Variants in DNAH3 observed in about 807,000 individuals in gnomAD.
DNAH3 encodes dynein axonemal heavy chain 3, also known as axonemal beta dynein heavy chain 3.
A neutral mutation model predicts 432.5 loss-of-function variants in DNAH3; 332 were observed. The ratio of observed to expected loss-of-function variants is 0.77; its 90% confidence interval spans 0.70 to 0.84. DNAH3 has a LOEUF of 0.84. Among genes scored for constraint, DNAH3 ranks in the 40% least tolerant of loss-of-function variants. DNAH3 has a pLI of 0.00. For missense variants in DNAH3, 4,861 were observed against 5,114.0 expected (o/e 0.95, Z 1.51); for synonymous variants, 1,956 against 1,900.2 (o/e 1.03, Z -0.76).
At chr16:21,079,272 G>A (rs543398183) in intron 20 of DNAH3, among the ~76,000 whole-genome samples, 5 of 152,318 alleles carry the variant, frequency 3.3e-5, no homozygotes, top group South Asian at 4.1e-4. Context: ...TTCCTCATCT[G>A]TAAAATGAGA....
At chr16:20,964,481 C>G in exon 53 of DNAH3, 1 of 1,614,158 alleles carries the variant, frequency 6.2e-7, no homozygotes, top group Non-Finnish European at 8.5e-7. Flanking sequence ...ATAGAAGCAT[C>G]CAGCTCTTCT....
intron 3 of DNAH3, among the ~76,000 whole-genome samples, chr16:21,143,956 T>C (rs1329205201): frequency 6.6e-6 from 1 of 152,104 alleles, no homozygotes; most frequent in African/African-American, 2.4e-5. Context: ...AATTGGAAGA[T>C]GTAATTAAGA....
intron 50 of DNAH3, 39 bp downstream of exon 50, chr16:20,979,291 C>T (rs1443802059): frequency 5.0e-6 from 8 of 1,599,260 alleles, no homozygotes; most frequent in African/African-American, 2.7e-5. Flanking sequence ...CACCTCGTCC[C>T]GGGCCTCTTT....
chr16:21,121,474 AATGGCAATTG>A (rs2092338794), intron 10 of DNAH3, among the ~76,000 whole-genome samples: 2 of 152,206 alleles, frequency 1.3e-5, no homozygotes, highest in African/African-American at 4.8e-5. Flanking sequence ...TTGGCAAGTT[AATGGCAATTG>A]ATTCATGATG....
At chr16:21,143,506 G>C (rs1248462638) in intron 3 of DNAH3, among the ~76,000 whole-genome samples, 1 of 152,140 alleles carries the variant, frequency 6.6e-6, no homozygotes, top group African/African-American at 2.4e-5. Context: ...AGAACCACAA[G>C]ATATGAATTT....
chr16:21,060,408 A>G (rs1187095911), intron 25 of DNAH3, 52 bp from the exon 26 acceptor site: 1 of 1,400,916 alleles, frequency 7.1e-7, no homozygotes, highest in Non-Finnish European at 1.0e-6. Flanking sequence ...GCCCAGAGGG[A>G]GGGAGAGTGG....
intron 19 of DNAH3, among the ~76,000 whole-genome samples, chr16:21,083,151 G>GA (rs2091252719): frequency 6.6e-6 from 1 of 151,904 alleles, no homozygotes; most frequent in African/African-American, 2.4e-5. Flanking sequence ...AAGTAGTTGG[G>GA]ATTACAGGCG....
intron 9 of DNAH3, 142 bp downstream of exon 10, chr16:21,125,033 C>A: frequency 1.7e-6 from 1 of 585,120 alleles, no homozygotes; most frequent in Admixed American, 3.4e-5. Flanking sequence ...TATAAACTAA[C>A]AACTGCCTGA....
At chr16:20,985,653 A>G in exon 48 of DNAH3, 1 of 1,614,178 alleles carries the variant, frequency 6.2e-7, no homozygotes. Flanking sequence ...AATAATCTCC[A>G]AAGAAGAGGC....
rs1389550862 is a variant in DNAH3 at position 20,964,280 on chromosome 16, G to A, written c.9604C>T (p.Gln3202Ter). ...GCCACGATGCCAAGGAGTTGATCTTGGAGACCCAAGGGGGTGATCATGAAG... is the reference window on the plus strand; with the variant it reads ...GCCACGATGCCAAGGAGTTGATCTTAGAGACCCAAGGGGGTGATCATGAAG... Residue 3202 changes from glutamine (Q) to a stop codon, truncating the protein, a stop_gained, in exon 53 of 62, where the codon CAA becomes TAA. Transcript: ENST00000261383. LOFTEE classifies it high-confidence loss of function. 3 of 1,614,172 alleles carry A rather than the reference G, an allele frequency of 1.9e-6. No homozygotes were observed. The highest frequency in any genetic ancestry group is 1.1e-5 in the South Asian group (1 of 91,072).
At chr16:20,948,779 G>T in intron 56 of DNAH3, 142 bp from the exon 57 acceptor site, 1 of 890,110 alleles carries the variant, frequency 1.1e-6, no homozygotes, top group Non-Finnish European at 1.7e-6. Flanking sequence ...AAAATTCCGG[G>T]CAGAAGATGG....
rs1318564863 is a variant in DNAH3, at chr16:20,944,683, T to C, written c.11344-20A>G. The C allele has an allele frequency of 1.2e-6, 2 of 1,613,438 alleles. No homozygotes were observed. ...ATAGGACTGGAAGGGAAATCTTCAG[T>C]TGAAATCAACGAGGGACCCCAGAAT... On this transcript the variant is annotated intron_variant, in intron 57 of 61. Transcript: ENST00000261383.
intron 53 of DNAH3, among the ~76,000 whole-genome samples, chr16:20,962,341 C>G (rs1329329514): frequency 6.6e-6 from 1 of 152,158 alleles, no homozygotes; most frequent in Non-Finnish European, 1.5e-5. Context: ...ATTCGTGGGT[C>G]TCACCCCAAA....
chr16:21,130,091 G>GAAAAAAAAAAAAAAAAAA (rs58706051), intron 7 of DNAH3: 2 of 79,156 alleles, frequency 2.5e-5, no homozygotes, highest in Non-Finnish European at 5.2e-5. Flanking sequence ...CTAAATAAAT[G>GAAAAAAAAAAAAAAAAAA]AAAAAAAAAA....
chr16:21,036,279 T>C lies in DNAH3; in HGVS notation c.5085+435A>G, dbSNP rs2089162720. ...AGGCAGAGGTTGCAGTGAGCCAAGA[T>C]TGCACCACTGCACTCCAGCCTGGGC... is the stretch of plus-strand genomic sequence containing the variant. On this transcript the variant is annotated intron_variant, in intron 35 of 61. Transcript: ENST00000261383. Among the ~76,000 whole-genome samples, 3 of 152,016 alleles carry C rather than the reference T, an allele frequency of 2.0e-5. No homozygotes were observed. In the South Asian group the frequency reaches 6.2e-4, roughly 31 times the overall value.
At chr16:20,995,039 G>A (rs1041668526) in intron 44 of DNAH3, among the ~76,000 whole-genome samples, 1 of 151,796 alleles carries the variant, frequency 6.6e-6, no homozygotes, top group Non-Finnish European at 1.5e-5. Context: ...AGGTTCAAGC[G>A]ATCCTCCTGC....
rs73534343 is a variant in DNAH3 at position 20,987,913 on chromosome 16, C to A, written c.6725+29G>T. On this transcript the variant is annotated intron_variant, in intron 45 of 61. Coordinates refer to ENST00000261383, the Ensembl canonical transcript of DNAH3. ...CCAGAAACTGAGAACCCCCAGCCCA[C>A]TATCCAGGAAGACAGAGAAACCTCT... The A allele has an allele frequency of 4.0e-4, 640 of 1,614,152 alleles. 3 individuals carry two copies. The African/African-American group carries it at 7.1e-3, about 18-fold the overall frequency.
chr16:20,954,243 G>A (rs2084454359), intron 55 of DNAH3, among the ~76,000 whole-genome samples: 3 of 140,132 alleles, frequency 2.1e-5, no homozygotes, highest in East Asian at 2.3e-4. Flanking sequence ...AAAAAAATTC[G>A]TTGTATGAAT....
exon 48 of DNAH3, chr16:20,985,177 T>A: frequency 6.2e-7 from 1 of 1,614,230 alleles, no homozygotes; most frequent in Non-Finnish European, 8.5e-7. Context: ...GTCAGCCTTC[T>A]CGTCAGCAGG....
Sources: allele counts gnomAD v4.1 joint callset (sites outside exome capture counted in the v4.1 genomes callset), GRCh38; gene constraint gnomAD v4.1.1; transcripts MANE v1.5; gene names NCBI Gene and HGNC (gene_info 2026-07-23, HGNC 2026-07-21).